HYCC2: variants seen among roughly 807,000 people sequenced by gnomAD.
HYCC2 encodes the protein hyccin PI4KA lipid kinase complex subunit 2, also known as hyccin 2.
At chr2:201,060,565 C>T in the HYCC2 span, among the ~76,000 whole-genome samples, 6 of 152,032 alleles carry the variant, frequency 3.9e-5, no homozygotes, top group African/African-American at 9.7e-5. Context: ...CTAAAGATGG[C>T]GAAAGAAGAA....
the HYCC2 span, among the ~76,000 whole-genome samples, chr2:200,983,696 A>G: frequency 1.3e-5 from 2 of 152,200 alleles, no homozygotes; most frequent in Non-Finnish European, 1.5e-5. Flanking sequence ...TTTACTTACA[A>G]TTAGTATAAA....
chr2:201,050,347 T>C, the HYCC2 span, among the ~76,000 whole-genome samples: 1 of 151,292 alleles, frequency 6.6e-6, no homozygotes, highest in East Asian at 1.9e-4. Flanking sequence ...CCAAAGCAAA[T>C]AAAGAAATGG....
chr2:201,054,122 C>G, the HYCC2 span, among the ~76,000 whole-genome samples: 442 of 152,316 alleles, frequency 2.9e-3, 4 homozygotes, highest in African/African-American at 1.0e-2. Flanking sequence ...GTACCCAGTG[C>G]TATACGCATG....
the HYCC2 span, among the ~76,000 whole-genome samples, chr2:201,052,916 G>C: frequency 6.6e-6 from 1 of 152,328 alleles, no homozygotes; most frequent in Middle Eastern, 3.4e-3. Context: ...CACACTGTGT[G>C]TGTGAGGAAA....
the HYCC2 span, among the ~76,000 whole-genome samples, chr2:201,000,230 G>A: frequency 6.6e-6 from 1 of 151,702 alleles, no homozygotes; most frequent in African/African-American, 2.4e-5. Context: ...TTTTTAATTA[G>A]CGGGCCATGG....
the HYCC2 span, among the ~76,000 whole-genome samples, chr2:201,027,797 T>C: frequency 6.6e-6 from 1 of 152,142 alleles, no homozygotes; most frequent in Admixed American, 6.5e-5. Flanking sequence ...ATAAACTAGG[T>C]ATTGATGGAA....
At chr2:201,023,903 T>C in the HYCC2 span, 3 of 1,312,356 alleles carry the variant, frequency 2.3e-6, no homozygotes, top group African/African-American at 1.4e-5. Context: ...CATATTCAGT[T>C]TGAATTACTG....
chr2:201,002,114 GAA>G, the HYCC2 span, among the ~76,000 whole-genome samples: 1 of 141,938 alleles, frequency 7.0e-6, no homozygotes, highest in African/African-American at 2.6e-5. Flanking sequence ...AAGTCACCAG[GAA>G]AAAAAAAAAA....
At chr2:201,032,351 TTGCC>T in the HYCC2 span, among the ~76,000 whole-genome samples, 1 of 152,204 alleles carries the variant, frequency 6.6e-6, no homozygotes, top group Non-Finnish European at 1.5e-5. Context: ...TTCATCATTA[TTGCC>T]TGCCTTATTC....
At chr2:201,061,447 A>G in the HYCC2 span, 1 of 152,032 alleles carries the variant, frequency 6.6e-6, no homozygotes, top group African/African-American at 2.4e-5. Context: ...ATAAAATAAA[A>G]TAGTTGACTC....
the HYCC2 span, among the ~76,000 whole-genome samples, chr2:201,009,947 C>G: frequency 6.6e-6 from 1 of 151,270 alleles, no homozygotes; most frequent in East Asian, 2.0e-4. Context: ...ACTAAAAATA[C>G]AAAAAAATTA....
At chr2:201,027,230 C>T in the HYCC2 span, among the ~76,000 whole-genome samples, 1 of 152,072 alleles carries the variant, frequency 6.6e-6, no homozygotes, top group Non-Finnish European at 1.5e-5. Context: ...TGGATAAATT[C>T]CTGGACACAT....
the HYCC2 span, among the ~76,000 whole-genome samples, chr2:201,051,836 C>G: frequency 2.0e-5 from 3 of 151,978 alleles, no homozygotes; most frequent in African/African-American, 7.2e-5. Context: ...GGTCCTGGCA[C>G]AAAAACCAGC....
At chr2:201,054,900 A>G in the HYCC2 span, among the ~76,000 whole-genome samples, 5 of 152,280 alleles carry the variant, frequency 3.3e-5, no homozygotes, top group African/African-American at 9.6e-5. Context: ...CTGGGCATCA[A>G]GCAATCCTCC....
the HYCC2 span, among the ~76,000 whole-genome samples, chr2:201,033,371 ATTTATTTTATTTTAT>A: frequency 4.9e-4 from 70 of 144,148 alleles, no homozygotes; most frequent in Admixed American, 1.1e-3. Context: ...TGCTTGGCTA[ATTTATTTTATTTTAT>A]TTTATTTTAT....
At chr2:201,015,175 T>C in the HYCC2 span, among the ~76,000 whole-genome samples, 1 of 152,196 alleles carries the variant, frequency 6.6e-6, no homozygotes, top group South Asian at 2.1e-4. Flanking sequence ...TTCCTTGCAC[T>C]GCGCAAGAAA....
At chr2:201,058,083 C>G in the HYCC2 span, among the ~76,000 whole-genome samples, 1 of 152,170 alleles carries the variant, frequency 6.6e-6, no homozygotes, top group Non-Finnish European at 1.5e-5. Flanking sequence ...CTACATTCCT[C>G]TCTGGAATGC....
At chr2:200,973,734 A>G in the HYCC2 span, 35 of 152,300 alleles carry the variant, frequency 2.3e-4, no homozygotes, top group African/African-American at 7.7e-4. Context: ...TAAAAGCCAA[A>G]TAGAGCTGTA....
At chr2:200,995,923 C>A in the HYCC2 span, 1 of 151,908 alleles carries the variant, frequency 6.6e-6, no homozygotes, top group African/African-American at 2.4e-5. Context: ...AAGTAAAAAT[C>A]ATTTTGAAAG....
Sources: allele counts gnomAD v4.1 joint callset (sites outside exome capture counted in the v4.1 genomes callset), GRCh38; gene constraint gnomAD v4.1.1; transcripts MANE v1.5; gene names NCBI Gene and HGNC (gene_info 2026-07-23, HGNC 2026-07-21).